STK24: variants seen among roughly 807,000 people sequenced by gnomAD.
STK24 encodes the protein serine/threonine-protein kinase 24.
A neutral mutation model predicts 55.6 loss-of-function variants in STK24; 21 were observed. The observed-to-expected ratio is 0.38, with a 90% CI of 0.27 to 0.54. The LOEUF (loss-of-function observed/expected upper bound fraction) is 0.54, where lower values mean the gene tolerates loss of function less well. Ranked by LOEUF, STK24 falls within the 20% of genes least tolerant of loss-of-function variation. The pLI, the probability that STK24 is intolerant of heterozygous loss-of-function variation, is 0.79. For synonymous variants in STK24, 200 were observed against 215.2 expected, an observed-to-expected ratio of 0.93 and a Z score of 0.62; for missense variants, 383 against 538.4, an observed-to-expected ratio of 0.71 and a Z score of 2.86.
chr13:98,516,719 A>T (rs1287282568), intron 2 of STK24, among the ~76,000 whole-genome samples: 1 of 152,240 alleles, frequency 6.6e-6, no homozygotes. Context: ...ATAAGATAAA[A>T]GGAACTCAGG....
intron 1 of STK24, among the ~76,000 whole-genome samples, chr13:98,533,058 A>C (rs1201271011): frequency 6.6e-6 from 1 of 152,238 alleles, no homozygotes; most frequent in Admixed American, 6.5e-5. Flanking sequence ...AAATTCTATG[A>C]ATTGCAAAGT....
intron 2 of STK24, among the ~76,000 whole-genome samples, chr13:98,511,550 CAT>C (rs1449171423): frequency 6.6e-6 from 1 of 152,252 alleles, no homozygotes; most frequent in African/African-American, 2.4e-5. Flanking sequence ...GAAACACCCA[CAT>C]GTCCTTCGAT....
chr13:98,518,213 T>C (rs535238140), intron 2 of STK24, among the ~76,000 whole-genome samples: 106 of 152,364 alleles, frequency 7.0e-4, no homozygotes, highest in African/African-American at 2.5e-3. Context: ...TAAATATCCA[T>C]TTTAGTTAAT....
At chr13:98,573,179 T>C (rs1225601343) in intron 1 of STK24, among the ~76,000 whole-genome samples, 3 of 152,220 alleles carry the variant, frequency 2.0e-5, no homozygotes, top group Non-Finnish European at 4.4e-5. Context: ...CTGAAACTTG[T>C]TTTTGATCCT....
intron 1 of STK24, among the ~76,000 whole-genome samples, chr13:98,573,925 A>G (rs575521220): frequency 6.6e-6 from 1 of 152,382 alleles, no homozygotes; most frequent in South Asian, 2.1e-4. Context: ...TTTGCAAAAC[A>G]TTGAAAAATG....
chr13:98,518,682 TAAAG>T (rs1330539191), intron 2 of STK24, among the ~76,000 whole-genome samples: 1 of 152,206 alleles, frequency 6.6e-6, no homozygotes, highest in Non-Finnish European at 1.5e-5. Flanking sequence ...CTTTCCCACT[TAAAG>T]AACAGAGTGG....
chr13:98,552,255 T>C (rs1343096869), intron 1 of STK24, among the ~76,000 whole-genome samples: 1 of 152,246 alleles, frequency 6.6e-6, no homozygotes, highest in East Asian at 1.9e-4. Context: ...ATGGGGTATT[T>C]TCCCCTCCCT....
chr13:98,559,170 TCTCAAAAAAAAAGAAAAAA>T (rs1897351953), intron 1 of STK24, among the ~76,000 whole-genome samples: 2 of 151,842 alleles, frequency 1.3e-5, no homozygotes, highest in African/African-American at 4.8e-5. Flanking sequence ...GCGAACTCCG[TCTCAAAAAAAAAGAAAAAA>T]GTGTATTAAT....
chr13:98,484,691 C>A (rs1894738335), intron 2 of STK24, among the ~76,000 whole-genome samples: 1 of 152,166 alleles, frequency 6.6e-6, no homozygotes, highest in Non-Finnish European at 1.5e-5. Flanking sequence ...CACCTGGCTA[C>A]CTTCTCCTTT....
Position 98,474,999 on chromosome 13 carries a change from G to A in STK24, c.440-21C>T, listed in dbSNP as rs778942913. 25 of 1,593,060 alleles carry A rather than the reference G, an allele frequency of 1.6e-5. 2 individuals carry two copies. The East Asian group carries it at 2.9e-4, about 18-fold the overall frequency. ...GGCCGCTGCAAAAGAAAGCCAAGGC[G>A]GCCCTGGGCGGTGCGGACTTACAAC... On this transcript the variant is annotated intron_variant, in intron 4 of 10. Coordinates refer to ENST00000539966, the MANE Select transcript of STK24 (RefSeq NM_001032296.4).
At chr13:98,568,373 G>A (rs1369045989) in intron 1 of STK24, among the ~76,000 whole-genome samples, 1 of 152,148 alleles carries the variant, frequency 6.6e-6, no homozygotes, top group Non-Finnish European at 1.5e-5. Context: ...TCTGCCGGGG[G>A]AATGAGTGAA....
chr13:98,552,873 G>A (rs1165772811), intron 1 of STK24, among the ~76,000 whole-genome samples: 3 of 152,114 alleles, frequency 2.0e-5, no homozygotes, highest in South Asian at 2.1e-4. Context: ...CCTGTAGGAC[G>A]CTCCAGTGGT....
At chr13:98,487,976 T>C (rs1263695319) in intron 2 of STK24, among the ~76,000 whole-genome samples, 1 of 152,124 alleles carries the variant, frequency 6.6e-6, no homozygotes, top group East Asian at 1.9e-4. Flanking sequence ...TATTTTATTA[T>C]TATTTTTTGG....
intron 2 of STK24, among the ~76,000 whole-genome samples, chr13:98,515,380 A>G (rs1373417493): frequency 6.6e-6 from 1 of 151,052 alleles, no homozygotes; most frequent in Non-Finnish European, 1.5e-5. Context: ...TGGCTGGGAC[A>G]TGGAGGATTC....
chr13:98,472,285 A>G (rs1894182335), intron 5 of STK24, among the ~76,000 whole-genome samples: 1 of 152,234 alleles, frequency 6.6e-6, no homozygotes, highest in African/African-American at 2.4e-5. Flanking sequence ...ACAAACCTGG[A>G]AAGTCAATTT....
At chr13:98,575,568 A>G (rs1159914299) in intron 1 of STK24, among the ~76,000 whole-genome samples, 1 of 152,128 alleles carries the variant, frequency 6.6e-6, no homozygotes, top group Non-Finnish European at 1.5e-5. Context: ...AGGGAGAGGG[A>G]TGATCTCACT....
At position 98,528,146 on chromosome 13, in the gene STK24, G is replaced by A. The variant is rs546017222; in HGVS notation, c.43-8673C>T. Among the ~76,000 whole-genome samples the A allele has an allele frequency of 2.6e-5, 4 of 152,282 alleles. No homozygotes were observed. In the South Asian group the frequency reaches 8.3e-4, roughly 32 times the overall value. On this transcript the variant is annotated intron_variant, in intron 1 of 10. Coordinates refer to ENST00000539966, the MANE Select transcript of STK24 (RefSeq NM_001032296.4). ...AGGTTGGCCCAGGGCGGGAGGTCCA[G>A]GACAGACCCGGGCCCATCAGTCTCG...
chr13:98,520,490 G>C (rs1594635306), intron 1 of STK24, among the ~76,000 whole-genome samples: 1 of 152,182 alleles, frequency 6.6e-6, no homozygotes, highest in Non-Finnish European at 1.5e-5. Flanking sequence ...TGAAGAAGCT[G>C]AACTACTAGG....
At chr13:98,511,110 C>G (rs2139365310) in intron 2 of STK24, among the ~76,000 whole-genome samples, 1 of 152,290 alleles carries the variant, frequency 6.6e-6, no homozygotes, top group Middle Eastern at 3.4e-3. Flanking sequence ...GTGATCCTCC[C>G]ACCTCGGCTT....
Sources: allele counts gnomAD v4.1 joint callset (sites outside exome capture counted in the v4.1 genomes callset), GRCh38; gene constraint gnomAD v4.1.1; transcripts MANE v1.5; gene names NCBI Gene and HGNC (gene_info 2026-07-23, HGNC 2026-07-21).